The following TMEM74 variants were observed in gnomAD, a reference collection of about 807,000 sequenced individuals.
TMEM74 encodes transmembrane protein 74.
In TMEM74, 13 loss-of-function variants were observed where a neutral mutation model predicts 18.1. The ratio of observed to expected loss-of-function variants is 0.72; its 90% confidence interval spans 0.47 to 1.14. The LOEUF is 1.14. Ranked by LOEUF, TMEM74 falls within the 50% of genes most tolerant of loss-of-function variation. The pLI, the probability that TMEM74 is intolerant of heterozygous loss-of-function variation, is 0.00. For synonymous variants in TMEM74, 159 were observed against 146.6 expected (o/e 1.08, Z -0.61); for missense variants, 372 against 375.9 (o/e 0.99, Z 0.09).
intron 1 of TMEM74, among the ~76,000 whole-genome samples, chr8:108,703,154 T>G (rs1270297981): frequency 6.6e-6 from 1 of 152,112 alleles, no homozygotes; most frequent in African/African-American, 2.4e-5. Context: ...CTCCCAATGC[T>G]CAGTTTTGGA....
chr8:108,714,330 G>T (rs1225234864), intron 1 of TMEM74, among the ~76,000 whole-genome samples: 1 of 152,160 alleles, frequency 6.6e-6, no homozygotes, highest in Non-Finnish European at 1.5e-5. Flanking sequence ...AACTGAAATA[G>T]AAGAATTAAT....
intron 1 of TMEM74, among the ~76,000 whole-genome samples, chr8:108,753,798 T>C (rs1813927857): frequency 2.0e-5 from 3 of 152,138 alleles, no homozygotes; most frequent in South Asian, 4.1e-4. Context: ...TTTTTATGTG[T>C]TTCATCTGCT....
chr8:108,669,779 A>G (rs567232513), intron 1 of TMEM74, among the ~76,000 whole-genome samples: 45 of 152,128 alleles, frequency 3.0e-4, no homozygotes, highest in Middle Eastern at 3.4e-3. Context: ...GGCTCACGCC[A>G]GTAATCCCAG....
chr8:108,640,115 CT>C (rs35455409), intron 2 of TMEM74, among the ~76,000 whole-genome samples: 7,939 of 79,184 alleles, frequency 0.1, 115 homozygotes, highest in East Asian at 0.27. Flanking sequence ...ATAGTAATCA[CT>C]TTTTTTTTTT....
chr8:108,669,537 A>T (rs2130588303), intron 1 of TMEM74, among the ~76,000 whole-genome samples: 1 of 152,336 alleles, frequency 6.6e-6, no homozygotes, highest in South Asian at 2.1e-4. Flanking sequence ...GTAAGTGGAA[A>T]TAACTGGTGA....
intron 1 of TMEM74, among the ~76,000 whole-genome samples, chr8:108,759,777 A>G (rs920176536): frequency 6.6e-6 from 1 of 152,136 alleles, no homozygotes; most frequent in African/African-American, 2.4e-5. Context: ...AATGAGGTGG[A>G]ATGAGATTTA....
chr8:108,629,710 C>T (rs1812530920), intron 2 of TMEM74, among the ~76,000 whole-genome samples: 1 of 151,988 alleles, frequency 6.6e-6, no homozygotes, highest in Non-Finnish European at 1.5e-5. Flanking sequence ...ATTTTCAACC[C>T]AGAATTTTAT....
chr8:108,634,223 TA>T (rs959343767), intron 2 of TMEM74, among the ~76,000 whole-genome samples: 16 of 151,748 alleles, frequency 1.1e-4, no homozygotes, highest in African/African-American at 3.9e-4. Flanking sequence ...GAAGCCACAA[TA>T]AAAAACTCTC....
At chr8:108,610,389 T>C (rs1253901937) in intron 2 of TMEM74, among the ~76,000 whole-genome samples, 1 of 152,174 alleles carries the variant, frequency 6.6e-6, no homozygotes, top group Non-Finnish European at 1.5e-5. Context: ...GCTAAATATG[T>C]TGTGAAAAAA....
rs1274971447 is a variant in TMEM74, at chr8:108,659,086, A to G, written n.120-3649T>C. Among the ~76,000 whole-genome samples the G allele has an allele frequency of 5.9e-5, 9 of 152,196 alleles. No homozygotes were observed. The East Asian group carries it at 1.3e-3, about 23-fold the overall frequency. ...TAGCCAACTGAAGAAAAATATATAAAGAAAGGAGTTAAATGTGATAAACCA... is the reference window on the plus strand; with the variant it reads ...TAGCCAACTGAAGAAAAATATATAAGGAAAGGAGTTAAATGTGATAAACCA... On this transcript the variant is annotated intron_variant and non_coding_transcript_variant, in intron 1 of 3. Coordinates refer to the TMEM74 transcript ENST00000518838.
At position 108,708,254 on chromosome 8, in the gene TMEM74, CTT is replaced by C. The variant is rs35851810; in HGVS notation, n.120-52819_120-52818del. 5.9e-3 allele frequency among the ~76,000 whole-genome samples: 839 copies of C among 143,246 alleles called. 10 individuals carry two copies. Among genetic ancestry groups the C allele is most frequent in the African/African-American group, 0.018 (700 of 39,002 alleles). The allele number at this position is 143,246 out of a possible 152,430, so 94.0% of individuals were successfully genotyped here. The stretch of plus-strand genomic sequence containing the variant: ...GTATTCCATGGTGTATATGTAACAC[CTT>C]TTTTTTTTTTTTAATCCAGTCTACT... On this transcript the variant is annotated intron_variant and non_coding_transcript_variant, in intron 1 of 3. Transcript: ENST00000518838.
intron 2 of TMEM74, among the ~76,000 whole-genome samples, chr8:108,645,981 C>T (rs970386024): frequency 2.0e-5 from 3 of 151,780 alleles, no homozygotes; most frequent in Admixed American, 6.6e-5. Flanking sequence ...TTTGTGGGCT[C>T]AGATTTATGC....
At chr8:108,636,068 T>C (rs773689403) in intron 2 of TMEM74, among the ~76,000 whole-genome samples, 5 of 152,098 alleles carry the variant, frequency 3.3e-5, no homozygotes, top group Non-Finnish European at 7.4e-5. Context: ...TTACTTTATA[T>C]TCTCAATCAG....
At position 108,784,731 on chromosome 8, in the gene TMEM74, C is replaced by T. The variant is rs781631435; in HGVS notation, c.368G>A (p.Arg123Gln). Residue 123 changes from arginine to glutamine, a missense_variant, in exon 2 of 2, where the codon CGG becomes CAG. Physicochemically the swap from Arg to Gln is conservative, Grantham distance 43. Transcript: ENST00000297459. ...TTTTGCTGATGGCGAGCTCCGGTTC[C>T]GCTGCTCCAAGTTGATGTTTTTGTC... is the stretch of plus-strand genomic sequence containing the variant. Reference protein sequence around the residue: ...YVDKNINLEQRNRSSPSAKGH... With the variant: ...YVDKNINLEQQNRSSPSAKGH... 12 of 1,614,022 alleles carry T rather than the reference C, an allele frequency of 7.4e-6. No individual in the cohort carries two copies. The highest frequency in any genetic ancestry group is 4.5e-5 in the East Asian group (2 of 44,890).
At chr8:108,627,538 A>G (rs1812506609) in intron 2 of TMEM74, among the ~76,000 whole-genome samples, 1 of 152,090 alleles carries the variant, frequency 6.6e-6, no homozygotes, top group African/African-American at 2.4e-5. Flanking sequence ...CCTGTTATAC[A>G]GTAAGCACTC....
intron 1 of TMEM74, among the ~76,000 whole-genome samples, chr8:108,741,234 C>T (rs1813797005): frequency 6.6e-6 from 1 of 151,960 alleles, no homozygotes; most frequent in Non-Finnish European, 1.5e-5. Flanking sequence ...CTAATCTTTG[C>T]AGAGGAGAGA....
rs372525157 is a variant in TMEM74 at position 108,769,302 on chromosome 8, G to C, written n.119+18174C>G. Among the ~76,000 whole-genome samples, 98 of 152,152 alleles carry C rather than the reference G, an allele frequency of 6.4e-4. 1 individual carries two copies. The highest frequency in any genetic ancestry group is 2.0e-3 in the African/African-American group (83 of 41,534). ...AGATTGCACTACTGCACTCCAGCCT[G>C]GGTGACAGAACAAGACTCTATCTTA... On this transcript the variant is annotated intron_variant and non_coding_transcript_variant, in intron 1 of 3. Transcript: ENST00000518838.
chr8:108,786,669 C>T (rs1190068325), intron 1 of TMEM74, among the ~76,000 whole-genome samples: 1 of 152,176 alleles, frequency 6.6e-6, no homozygotes, highest in African/African-American at 2.4e-5. Context: ...AACAAACCCC[C>T]ACTAAAGGAT....
At chr8:108,664,443 A>C (rs140602799) in intron 1 of TMEM74, among the ~76,000 whole-genome samples, 276 of 152,212 alleles carry the variant, frequency 1.8e-3, no homozygotes, top group African/African-American at 6.2e-3. Context: ...TTGTTGGTGC[A>C]TAGGAATGTT....
Sources: gnomAD v4.1 joint callset for allele counts (sites outside exome capture counted in the v4.1 genomes callset) on GRCh38, gnomAD v4.1.1 for gene constraint, MANE v1.5 for transcripts, NCBI Gene and HGNC (gene_info 2026-07-23, HGNC 2026-07-21) for gene names.